TMEFF2: variants seen among roughly 807,000 people sequenced by gnomAD.
The protein encoded by TMEFF2 is tomoregulin-2.
A neutral mutation model predicts 53.8 loss-of-function variants in TMEFF2; 28 were observed. The ratio of observed to expected loss-of-function variants is 0.52; its 90% CI spans 0.39 to 0.71. TMEFF2 has a LOEUF of 0.71. TMEFF2 is among the 30% of genes least tolerant of loss of function. TMEFF2 has a pLI of 0.00. For missense variants in TMEFF2, 353 were observed against 455.2 expected, an observed-to-expected ratio of 0.78 and a Z score of 2.04; for synonymous variants, 162 against 166.3, an observed-to-expected ratio of 0.97 and a Z score of 0.20.
At chr2:192,017,519 A>G (rs935388196) in intron 5 of TMEFF2, among the ~76,000 whole-genome samples, 3 of 152,218 alleles carry the variant, frequency 2.0e-5, no homozygotes, top group East Asian at 3.9e-4. Context: ...AGCACTCACC[A>G]TAGATGAACA....
At chr2:192,108,837 T>C (rs915825088) in intron 4 of TMEFF2, among the ~76,000 whole-genome samples, 10 of 151,958 alleles carry the variant, frequency 6.6e-5, no homozygotes, top group African/African-American at 2.4e-4. Context: ...AAATGTAATA[T>C]ATAGATACTG....
chr2:192,137,376 A>G (rs1311646115), intron 4 of TMEFF2, among the ~76,000 whole-genome samples: 2 of 152,324 alleles, frequency 1.3e-5, no homozygotes, highest in South Asian at 4.1e-4. Flanking sequence ...TTCCCATCCC[A>G]TTGAATTGGA....
At chr2:192,002,039 T>TAC (rs1686378075) in intron 5 of TMEFF2, among the ~76,000 whole-genome samples, 1 of 80,832 alleles carries the variant, frequency 1.2e-5, no homozygotes, top group African/African-American at 1.6e-4. Context: ...TATTTATTAT[T>TAC]TTTCAGTTTG....
At chr2:192,051,245 T>G (rs1256362585) in intron 5 of TMEFF2, among the ~76,000 whole-genome samples, 7 of 140,256 alleles carry the variant, frequency 5.0e-5, no homozygotes, top group Non-Finnish European at 9.4e-5. Context: ...TTTTTTTCAT[T>G]GTCTCCATGA....
intron 4 of TMEFF2, among the ~76,000 whole-genome samples, chr2:192,069,988 G>GTATATATATATATATA (rs55800219): frequency 8.4e-6 from 1 of 118,810 alleles, no homozygotes; most frequent in African/African-American, 3.4e-5. Flanking sequence ...GTGTGTGTGT[G>GTATATATATATATATA]TATATATATA....
chr2:192,068,672 T>A (rs1025610439), intron 4 of TMEFF2, among the ~76,000 whole-genome samples: 2 of 151,872 alleles, frequency 1.3e-5, no homozygotes, highest in African/African-American at 4.8e-5. Flanking sequence ...ATAAGGGCTT[T>A]ATCCTTTTCT....
At chr2:191,997,240 C>T (rs917981108) in intron 7 of TMEFF2, among the ~76,000 whole-genome samples, 1 of 151,824 alleles carries the variant, frequency 6.6e-6, no homozygotes, top group African/African-American at 2.4e-5. Context: ...AATCCATCTA[C>T]ATATTGAAAA....
chr2:191,956,236 T>TTGCGAGTAAAAATGTTACC lies in TMEFF2; in HGVS notation c.869_869+18dup, dbSNP rs1255928232. The TTGCGAGTAAAAATGTTACC allele has an allele frequency of 6.3e-7, 1 of 1,598,920 alleles. No individual in the cohort carries two copies. Among genetic ancestry groups the TTGCGAGTAAAAATGTTACC allele is most frequent in the South Asian group, 1.1e-5 (1 of 87,780 alleles). ...TATTAACTTTATACATTAACTATTC[T>TTGCGAGTAAAAATGTTACC]TGCGAGTAAAAATGTTACCTGCAAG... On this transcript the variant is annotated intron_variant, in intron 8 of 9. Transcript: ENST00000272771.
chr2:191,960,699 C>T (rs944837928), intron 7 of TMEFF2, among the ~76,000 whole-genome samples: 1 of 152,104 alleles, frequency 6.6e-6, no homozygotes, highest in East Asian at 1.9e-4. Flanking sequence ...TCTGTGTAAG[C>T]GTTTCTGAGA....
chr2:191,955,174 GGA>G (rs1199101306), intron 8 of TMEFF2, among the ~76,000 whole-genome samples: 6 of 2,034 alleles, frequency 2.9e-3, no homozygotes, highest in Admixed American at 0.04. Context: ...GGAGAGAGAG[GGA>G]GAGAGAGAGA....
rs147242647 is a variant in TMEFF2, at chr2:192,033,716, T to A, written c.536+23963A>T. 8.5e-5 allele frequency among the ~76,000 whole-genome samples: 13 copies of A among 152,136 alleles called. No individual in the cohort carries two copies. In the East Asian group the frequency reaches 2.5e-3, roughly 29 times the overall value. On this transcript the variant is annotated intron_variant, in intron 5 of 9. Coordinates refer to ENST00000272771, the MANE Select transcript of TMEFF2 (RefSeq NM_016192.4). ...GGTCAATGAATAAAGATAGGCAGAT[T>A]TTTACATTTAAATTTTGATATAGTG...
chr2:191,949,790 C>T lies in TMEFF2; in HGVS notation c.*521G>A, dbSNP rs139603070. 41 of 985,110 alleles carry T rather than the reference C, an allele frequency of 4.2e-5. No individual in the cohort carries two copies. The African/African-American group carries it at 4.9e-4, about 12-fold the overall frequency. The allele number at this position is 985,110 out of a possible 1,614,324, so 61.0% of individuals were successfully genotyped here. A position where few individuals can be genotyped will look rare whatever the true frequency, so the allele number is the denominator to read the frequency against. On this transcript the variant is annotated 3_prime_UTR_variant, in exon 10 of 10. Coordinates refer to ENST00000272771, the MANE Select transcript of TMEFF2 (RefSeq NM_016192.4). ...GATGAAATAGAGATGATTCAAAGAT[C>T]GGAAATATTTTATCCTCACTCGATA...
rs555977235 is a variant in TMEFF2, at chr2:191,950,085, A to T, written c.*226T>A. ...GGGAAAGAAAAAACTATATTGTGTG[A>T]TATAAATAGTTTATTTACATTACAG... is the stretch of plus-strand genomic sequence containing the variant. On this transcript the variant is annotated 3_prime_UTR_variant, in exon 10 of 10. Transcript: ENST00000272771. 4.4e-5 allele frequency: 57 copies of T among 1,285,888 alleles called. 1 individual carries two copies. The East Asian group carries it at 1.7e-3, about 39-fold the overall frequency. 79.7% of individuals were successfully genotyped at this position (1,285,888 alleles called of 1,614,324 possible).
intron 7 of TMEFF2, among the ~76,000 whole-genome samples, chr2:191,991,482 C>T (rs1686105970): frequency 6.6e-6 from 1 of 152,020 alleles, no homozygotes; most frequent in African/African-American, 2.4e-5. Flanking sequence ...AACTTCAATC[C>T]TTTGGAAGTA....
chr2:192,060,588 T>C (rs1008648257), intron 4 of TMEFF2, among the ~76,000 whole-genome samples: 1 of 152,160 alleles, frequency 6.6e-6, no homozygotes, highest in Non-Finnish European at 1.5e-5. Flanking sequence ...GGCTGCAATA[T>C]AAATTGCAAT....
chr2:191,979,956 G>T (rs1483448123), intron 7 of TMEFF2, among the ~76,000 whole-genome samples: 13 of 152,074 alleles, frequency 8.5e-5, no homozygotes, highest in Non-Finnish European at 4.4e-5. Flanking sequence ...TGAGAAGAAA[G>T]CAAAGAGATA....
chr2:192,155,380 A>G (rs1559149392), intron 4 of TMEFF2, among the ~76,000 whole-genome samples: 1 of 151,910 alleles, frequency 6.6e-6, no homozygotes, highest in Admixed American at 6.6e-5. Flanking sequence ...GTTTTTAAGT[A>G]AAATAAGATA....
intron 4 of TMEFF2, among the ~76,000 whole-genome samples, chr2:192,100,868 AAT>A (rs1689016742): frequency 6.6e-6 from 1 of 152,154 alleles, no homozygotes; most frequent in South Asian, 2.1e-4. Context: ...TACCATCACA[AAT>A]ATGTTTCCTT....
intron 1 of TMEFF2, among the ~76,000 whole-genome samples, chr2:192,192,260 T>C (rs1362346348): frequency 1.3e-5 from 2 of 152,028 alleles, no homozygotes; most frequent in Admixed American, 1.3e-4. Flanking sequence ...ATACTGACAG[T>C]GGTGAATGAA....
Sources: allele counts gnomAD v4.1 joint callset (sites outside exome capture counted in the v4.1 genomes callset), GRCh38; gene constraint gnomAD v4.1.1; transcripts MANE v1.5; gene names NCBI Gene and HGNC (gene_info 2026-07-23, HGNC 2026-07-21).